DSG1: variants seen among roughly 807,000 people sequenced by gnomAD.
DSG1 encodes the protein desmoglein-1.
In DSG1, 39 loss-of-function variants were observed where a neutral mutation model predicts 97.5. The ratio of observed to expected loss-of-function variants is 0.40; its 90% CI spans 0.31 to 0.52. DSG1 has a LOEUF of 0.52. DSG1 is among the 20% of genes least tolerant of loss of function. The probability of loss-of-function intolerance (pLI) is 0.53; values close to 1 mark genes in which losing one functional copy is unlikely to be tolerated. For missense variants in DSG1, 1,311 were observed against 1,295.4 expected, an observed-to-expected ratio of 1.01 and a Z score of -0.18; for synonymous variants, 475 against 443.4, an observed-to-expected ratio of 1.07 and a Z score of -0.90.
rs2071961124 is a variant in DSG1 at position 31,356,605 on chromosome 18, T to C, written c.*1259T>C. On this transcript the variant is annotated 3_prime_UTR_variant, in exon 15 of 15. Coordinates refer to ENST00000257192, the MANE Select transcript of DSG1 (RefSeq NM_001942.4). ...ATTTTGCAGGAATCAACCAGGAACC[T>C]TTAGCAGAATTGACAATATGGTGTT... The C allele has an allele frequency of 6.6e-6, 1 of 152,208 alleles. No homozygotes were observed. Among genetic ancestry groups the C allele is most frequent in the African/African-American group, 2.4e-5 (1 of 41,462 alleles). The allele number at this position is 152,208 out of a possible 1,614,324, so 9.4% of individuals were successfully genotyped here.
intron 3 of DSG1, 35 bp from the exon 4 acceptor site, chr18:31,328,154 T>C: frequency 1.2e-6 from 2 of 1,611,048 alleles, no homozygotes; most frequent in South Asian, 2.2e-5. Context: ...CTCTATTTGC[T>C]CCCTCTAATA....
chr18:31,333,506 C>A lies in DSG1; in HGVS notation c.685-83C>A, dbSNP rs565494725. The A allele has an allele frequency of 3.8e-6, 6 of 1,577,668 alleles. 1 individual carries two copies. In the South Asian group the frequency reaches 6.7e-5, roughly 17 times the overall value. On this transcript the variant is annotated intron_variant, in intron 6 of 14. Coordinates refer to ENST00000257192, the MANE Select transcript of DSG1 (RefSeq NM_001942.4). The stretch of plus-strand genomic sequence containing the variant: ...ATCATAGATTTATGTAAACGTTGAG[C>A]CAACTTTTCAAAGAACTTTACATAA...
chr18:31,343,423 C>G (rs2144106751), intron 11 of DSG1, 27 bp from the exon 12 acceptor site: 2 of 1,614,056 alleles, frequency 1.2e-6, no homozygotes. Flanking sequence ...AGTGCTAACT[C>G]TAGTATTACT....
Position 31,319,937 on chromosome 18 carries a change from G to A in DSG1, c.48+1589G>A, listed in dbSNP as rs199516971. On this transcript the variant is annotated intron_variant, in intron 1 of 14. Coordinates refer to ENST00000257192, the MANE Select transcript of DSG1 (RefSeq NM_001942.4). ...TTATGGGGGTTTTTTTGGGAATGGG[G>A]GAAGAGGAGGTTACCTTATTTTATA... Among the ~76,000 whole-genome samples, 7 of 151,714 alleles carry A rather than the reference G, an allele frequency of 4.6e-5. No individual in the cohort carries two copies. In the East Asian group the frequency reaches 1.4e-3, roughly 29 times the overall value.
chr18:31,318,615 AT>A (rs2071634770), intron 1 of DSG1, among the ~76,000 whole-genome samples: 1 of 152,128 alleles, frequency 6.6e-6, no homozygotes, highest in Admixed American at 6.6e-5. Flanking sequence ...AAAAGACTGA[AT>A]TTAGGAAATT....
At chr18:31,336,258 A>G (rs1353708479) in intron 8 of DSG1, 96 bp from the exon 9 acceptor site, 9 of 1,052,988 alleles carry the variant, frequency 8.5e-6, no homozygotes, top group African/African-American at 6.9e-5. Flanking sequence ...CATAAAAGAA[A>G]GATAATAAGT....
At chr18:31,351,695 G>T (rs1448112483) in intron 14 of DSG1, among the ~76,000 whole-genome samples, 1 of 150,622 alleles carries the variant, frequency 6.6e-6, no homozygotes, top group Non-Finnish European at 1.5e-5. Context: ...AGCTCTTCTT[G>T]TTGAATTGAT....
At chr18:31,323,222 A>C (rs916633755) in intron 1 of DSG1, among the ~76,000 whole-genome samples, 3 of 152,178 alleles carry the variant, frequency 2.0e-5, no homozygotes, top group African/African-American at 7.2e-5. Flanking sequence ...TCTCCATCAC[A>C]GCCTCCATAG....
chr18:31,331,959 T>C (rs896401896), intron 6 of DSG1, 92 bp downstream of exon 6: 4 of 1,282,572 alleles, frequency 3.1e-6, no homozygotes, highest in Non-Finnish European at 4.4e-6. Context: ...AAGAAAATGA[T>C]GGTTTAAATT....
intron 9 of DSG1, among the ~76,000 whole-genome samples, chr18:31,338,071 G>A (rs2071765918): frequency 6.6e-6 from 1 of 151,980 alleles, no homozygotes; most frequent in South Asian, 2.1e-4. Context: ...ATCCAAGTGG[G>A]CATAAAAAGA....
intron 2 of DSG1, 82 bp downstream of exon 2, chr18:31,326,698 G>A: frequency 7.2e-7 from 1 of 1,392,992 alleles, no homozygotes; most frequent in Non-Finnish European, 1.0e-6. Flanking sequence ...TGAAGAAAAT[G>A]TATTCTCATA....
At chr18:31,320,888 A>C (rs551140145) in intron 1 of DSG1, among the ~76,000 whole-genome samples, 16 of 152,308 alleles carry the variant, frequency 1.1e-4, no homozygotes, top group East Asian at 3.9e-4. Context: ...ATGATTTCTG[A>C]AAATTACTTG....
Position 31,346,218 on chromosome 18 carries a change from G to A in DSG1, c.2100+20G>A, listed in dbSNP as rs1313718589. Reference sequence around the variant, plus strand: ...TGTCAGGTAAGGTCCCTAGCCACATGCCTTTCTCGCCATCCATGTGCCTGC... The same window carrying A: ...TGTCAGGTAAGGTCCCTAGCCACATACCTTTCTCGCCATCCATGTGCCTGC... On this transcript the variant is annotated intron_variant, in intron 14 of 14. Transcript: ENST00000257192. 6.3e-7 allele frequency: 1 copy of A among 1,591,162 alleles called. No individual in the cohort carries two copies. Among genetic ancestry groups the A allele is most frequent in the Non-Finnish European group, 8.6e-7 (1 of 1,159,386 alleles).
chr18:31,337,522 G>A (rs1466901570), intron 9 of DSG1, among the ~76,000 whole-genome samples: 2 of 152,042 alleles, frequency 1.3e-5, no homozygotes, highest in Non-Finnish European at 2.9e-5. Flanking sequence ...CAAAGTGCTG[G>A]GATTACAGGC....
rs1466626881 is a variant in DSG1, at chr18:31,354,773, A to T, written c.2577A>T (p.Ala859=). 1.9e-6 allele frequency: 3 copies of T among 1,614,150 alleles called. No homozygotes were observed. The highest frequency in any genetic ancestry group is 2.5e-6 in the Non-Finnish European group (3 of 1,180,018). Residue 859 remains alanine, a synonymous_variant, in exon 15 of 15, where the codon GCA becomes GCT. Transcript: ENST00000257192. ...TGCACGTTCACGATAACCGACCAGC[A>T]TCAAACGTGGTAGTGACAGAGAGAG... ...PSVHVHDNRP[A]SNVVVTERVV...
chr18:31,339,657 T>C (rs1282517259), intron 10 of DSG1, 87 bp from the exon 11 acceptor site: 1 of 1,033,140 alleles, frequency 9.7e-7, no homozygotes. Flanking sequence ...CTGAAATAAA[T>C]GTTAATGTAA....
intron 1 of DSG1, among the ~76,000 whole-genome samples, chr18:31,321,130 A>AC (rs34664990): frequency 0.4 from 60,427 of 151,580 alleles, 13,244 homozygotes; most frequent in Non-Finnish European, 0.49. Flanking sequence ...CAACCCTCTG[A>AC]CACCTGATAA....
At chr18:31,346,245 G>A (rs1269971184) in intron 14 of DSG1, 47 bp downstream of exon 14, 4 of 1,475,512 alleles carry the variant, frequency 2.7e-6, no homozygotes, top group Non-Finnish European at 3.8e-6. Flanking sequence ...TGTGCCTGCT[G>A]CTCTTCACCA....
In DSG1 at chr18:31,355,525, A is replaced by C; in HGVS notation, c.*179A>C. 1 of 669,908 alleles carries C rather than the reference A, an allele frequency of 1.5e-6. No individual in the cohort carries two copies. Among genetic ancestry groups the C allele is most frequent in the South Asian group, 1.8e-5 (1 of 54,328 alleles). 41.5% of individuals were successfully genotyped at this position (669,908 alleles called of 1,614,324 possible). A position where few individuals can be genotyped will look rare whatever the true frequency, so the allele number is the denominator to read the frequency against. On this transcript the variant is annotated 3_prime_UTR_variant, in exon 15 of 15. Transcript: ENST00000257192. ...CCACTGCTAGGGGAGAGCTCTCCTT[A>C]GCATTCATAAACTTTTCTCTTATAT...
Sources: gnomAD v4.1 joint callset for allele counts (sites outside exome capture counted in the v4.1 genomes callset) on GRCh38, gnomAD v4.1.1 for gene constraint, MANE v1.5 for transcripts, NCBI Gene and HGNC (gene_info 2026-07-23, HGNC 2026-07-21) for gene names.